The following MAP2 variants were observed in gnomAD, a reference collection of about 807,000 sequenced individuals.
MAP2 encodes the protein microtubule associated protein 2.
A neutral mutation model predicts 137.6 loss-of-function variants in MAP2; 14 were observed. The ratio of observed to expected loss-of-function variants is 0.10; its 90% CI spans 0.07 to 0.16. The LOEUF (loss-of-function observed/expected upper bound fraction) is 0.16, where lower values mean the gene tolerates loss of function less well. Among genes scored for constraint, MAP2 ranks in the 10% least tolerant of loss-of-function variants. MAP2 has a pLI of 1.00. For missense variants in MAP2, 2,088 were observed against 2,191.5 expected (o/e 0.95, Z 0.94); for synonymous variants, 786 against 782.3 (o/e 1.00, Z -0.08).
chr2:209,610,486 G>A (rs1250363477), intron 3 of MAP2, among the ~76,000 whole-genome samples: 1 of 151,792 alleles, frequency 6.6e-6, no homozygotes, highest in Non-Finnish European at 1.5e-5. Context: ...TGTTAAGAAA[G>A]GCGAAATTTG....
intron 15 of MAP2, 30 bp from the exon 16 acceptor site, chr2:209,730,150 AGT>A: frequency 6.4e-7 from 1 of 1,564,972 alleles, no homozygotes; most frequent in South Asian, 1.1e-5. Context: ...AAGATGCATG[AGT>A]TAACGAGGAC....
intron 7 of MAP2, among the ~76,000 whole-genome samples, chr2:209,689,663 A>G (rs2058263170): frequency 6.6e-6 from 1 of 152,086 alleles, no homozygotes; most frequent in African/African-American, 2.4e-5. Flanking sequence ...TGGCCGTTTG[A>G]TTGCCACTCA....
chr2:209,672,052 G>A (rs1381001866), intron 5 of MAP2, among the ~76,000 whole-genome samples: 1 of 151,936 alleles, frequency 6.6e-6, no homozygotes, highest in Non-Finnish European at 1.5e-5. Context: ...AGCAAAGCCT[G>A]AGGTTGTCTT....
intron 4 of MAP2, among the ~76,000 whole-genome samples, chr2:209,649,422 A>G (rs2094631225): frequency 6.6e-6 from 1 of 152,218 alleles, no homozygotes; most frequent in Admixed American, 6.5e-5. Flanking sequence ...ACTTTTAACT[A>G]TGTTGAAAAT....
chr2:209,592,096 A>G (rs573294597), intron 3 of MAP2, among the ~76,000 whole-genome samples: 7 of 152,228 alleles, frequency 4.6e-5, no homozygotes, highest in African/African-American at 1.4e-4. Context: ...TGCCTTTTCA[A>G]CCTAATTTCT....
At chr2:209,519,411 A>G (rs2062962199) in intron 2 of MAP2, among the ~76,000 whole-genome samples, 1 of 152,062 alleles carries the variant, frequency 6.6e-6, no homozygotes, top group South Asian at 2.1e-4. Flanking sequence ...TATGACAGGA[A>G]GAAGTTTTGC....
intron 1 of MAP2, among the ~76,000 whole-genome samples, chr2:209,464,526 G>A (rs1703657721): frequency 6.6e-6 from 1 of 152,062 alleles, no homozygotes; most frequent in Admixed American, 6.6e-5. Context: ...GCTTGAAGGT[G>A]ACATTGTTTC....
intron 1 of MAP2, among the ~76,000 whole-genome samples, chr2:209,447,559 G>T (rs1202406505): frequency 1.3e-5 from 2 of 151,992 alleles, no homozygotes; most frequent in African/African-American, 4.8e-5. Flanking sequence ...CAAAAGAAAC[G>T]ATAGCATTTT....
intron 2 of MAP2, among the ~76,000 whole-genome samples, chr2:209,548,351 C>T (rs1199251075): frequency 1.3e-5 from 2 of 152,156 alleles, no homozygotes; most frequent in African/African-American, 4.8e-5. Flanking sequence ...AAGATGACAG[C>T]CTGCCTAGAA....
At chr2:209,541,290 G>A (rs368867631) in intron 2 of MAP2, among the ~76,000 whole-genome samples, 2 of 151,040 alleles carry the variant, frequency 1.3e-5, no homozygotes, top group Admixed American at 1.3e-4. Flanking sequence ...TCGGCCTCCC[G>A]AAGTGCTGGG....
In MAP2 at chr2:209,492,555, A is replaced by C. The variant is rs905687454; in HGVS notation, c.-221-15037A>C. ...TTTAGAAAACACCATCGTCAGGCCC[A>C]AAATCTCCTTAAGATGATAAGCAAC... On this transcript the variant is annotated intron_variant, in intron 1 of 15. Coordinates refer to ENST00000682079, the MANE Select transcript of MAP2 (RefSeq NM_001375505.1). Among the ~76,000 whole-genome samples, 67 of 152,222 alleles carry C rather than the reference A, an allele frequency of 4.4e-4. 1 individual carries two copies. Among genetic ancestry groups the C allele is most frequent in the African/African-American group, 1.5e-3 (63 of 41,464 alleles).
Position 209,623,252 on chromosome 2 carries a change from G to C in MAP2, c.-106-1801G>C, listed in dbSNP as rs184781221. On this transcript the variant is annotated intron_variant, in intron 3 of 15. Coordinates refer to ENST00000682079, the MANE Select transcript of MAP2 (RefSeq NM_001375505.1). ...CCATATACAACGTGGAAGTGCGTGG[G>C]AGTGGCTATGTGCCAAAAGCACTGT... Among the ~76,000 whole-genome samples, 716 of 152,236 alleles carry C rather than the reference G, an allele frequency of 4.7e-3. 9 individuals carry two copies. The highest frequency in any genetic ancestry group is 0.016 in the African/African-American group (669 of 41,558).
chr2:209,549,548 A>G (rs2068750105), intron 2 of MAP2, among the ~76,000 whole-genome samples: 1 of 152,230 alleles, frequency 6.6e-6, no homozygotes, highest in African/African-American at 2.4e-5. Context: ...TCAGCATACC[A>G]GATATCTGGA....
intron 2 of MAP2, among the ~76,000 whole-genome samples, chr2:209,565,617 T>C (rs1484089967): frequency 2.0e-5 from 3 of 152,236 alleles, no homozygotes; most frequent in Non-Finnish European, 2.9e-5. Flanking sequence ...GTCATAGGTA[T>C]ATCCTTATCC....
chr2:209,697,425 A>G (rs745823513), intron 10 of MAP2, among the ~76,000 whole-genome samples: 11 of 152,062 alleles, frequency 7.2e-5, no homozygotes, highest in Non-Finnish European at 1.3e-4. Flanking sequence ...TAAACCCATA[A>G]ATATTTGTCC....
At chr2:209,681,643 T>C (rs1170820974) in intron 7 of MAP2, among the ~76,000 whole-genome samples, 3 of 152,204 alleles carry the variant, frequency 2.0e-5, no homozygotes, top group Non-Finnish European at 4.4e-5. Context: ...TAGGGCTCCA[T>C]TGTTGTTTCA....
intron 1 of MAP2, among the ~76,000 whole-genome samples, chr2:209,456,896 C>T (rs961263330): frequency 6.6e-6 from 1 of 152,138 alleles, no homozygotes; most frequent in Admixed American, 6.6e-5. Context: ...GTGTCATGGT[C>T]TTTGTTATAG....
Position 209,425,247 on chromosome 2 carries a change from T to C in MAP2, c.-222+971T>C, listed in dbSNP as rs548086680. Among the ~76,000 whole-genome samples the C allele has an allele frequency of 5.3e-5, 8 of 152,336 alleles. No individual in the cohort carries two copies. In the South Asian group the frequency reaches 1.2e-3, roughly 24 times the overall value. ...TAGCAACAAGCCCGTTTGTGACAAT[T>C]GCTGTGTGCCATCTGTCGTAAGCTC... On this transcript the variant is annotated intron_variant, in intron 1 of 15. Transcript: ENST00000682079.
Position 209,434,852 on chromosome 2 carries a change from ATATATATATGT to A in MAP2, c.-222+10619_-222+10629del, listed in dbSNP as rs1229628172. 3.1e-3 allele frequency among the ~76,000 whole-genome samples: 293 copies of A among 95,324 alleles called. 10 individuals carry two copies. The highest frequency in any genetic ancestry group is 8.6e-3 in the Middle Eastern group (2 of 232). The allele number at this position is 95,324 out of a possible 152,430, so 62.5% of individuals were successfully genotyped here. ...CTCTCTCTATATATATATATATGTT[ATATATATATGT>A]TATATATATGTTATATATATGTTAT... is the stretch of plus-strand genomic sequence containing the variant. On this transcript the variant is annotated intron_variant, in intron 1 of 15. Coordinates refer to ENST00000682079, the MANE Select transcript of MAP2 (RefSeq NM_001375505.1).
Sources: allele counts gnomAD v4.1 joint callset (sites outside exome capture counted in the v4.1 genomes callset), GRCh38; gene constraint gnomAD v4.1.1; transcripts MANE v1.5; gene names NCBI Gene and HGNC (gene_info 2026-07-23, HGNC 2026-07-21).